KIAA1328: variants seen among roughly 807,000 people sequenced by gnomAD.
The protein encoded by KIAA1328 is protein hinderin.
KIAA1328 carries 52 observed loss-of-function variants against 68.1 expected under a neutral mutation model. The ratio of observed to expected loss-of-function variants is 0.76; its 90% CI spans 0.61 to 0.96. KIAA1328 has a LOEUF of 0.96. Ranked by LOEUF, KIAA1328 falls within the 40% of genes least tolerant of loss-of-function variation. The probability of loss-of-function intolerance (pLI) is 0.00; values close to 1 mark genes in which losing one functional copy is unlikely to be tolerated. For synonymous variants in KIAA1328, 232 were observed against 239.4 expected (o/e 0.97, Z 0.28); for missense variants, 641 against 677.6 (o/e 0.95, Z 0.60).
At chr18:37,103,803 TACACACACACACACACACAC>T (rs60337954) in intron 7 of KIAA1328, among the ~76,000 whole-genome samples, 10 of 145,656 alleles carry the variant, frequency 6.9e-5, no homozygotes, top group Non-Finnish European at 1.4e-4. Flanking sequence ...CAATAGCAAA[TACACACACACACACACACAC>T]ACACACACAC....
chr18:37,155,928 C>G (rs914585300), intron 7 of KIAA1328, among the ~76,000 whole-genome samples: 2 of 152,128 alleles, frequency 1.3e-5, no homozygotes, highest in Non-Finnish European at 2.9e-5. Context: ...TACATTTTTC[C>G]TTATCTTTCA....
At chr18:37,218,941 T>C (rs1263023755) in intron 9 of KIAA1328, among the ~76,000 whole-genome samples, 1 of 152,230 alleles carries the variant, frequency 6.6e-6, no homozygotes, top group Non-Finnish European at 1.5e-5. Flanking sequence ...CTCCCCATCT[T>C]TGTGGTTTTA....
At chr18:36,829,548 T>A in intron 1 of KIAA1328, 1 of 773,976 alleles carries the variant, frequency 1.3e-6, no homozygotes, top group Non-Finnish European at 1.7e-6. Flanking sequence ...GACTTGAGTG[T>A]GCGGAGCTAG....
At chr18:36,830,259 G>C (rs1206751499) in intron 1 of KIAA1328, among the ~76,000 whole-genome samples, 1 of 152,192 alleles carries the variant, frequency 6.6e-6, no homozygotes, top group Non-Finnish European at 1.5e-5. Context: ...TGTGCTGCTC[G>C]TGTTTAGTGT....
chr18:36,938,671 A>C (rs1340044813), intron 5 of KIAA1328, among the ~76,000 whole-genome samples: 1 of 152,118 alleles, frequency 6.6e-6, no homozygotes, highest in African/African-American at 2.4e-5. Flanking sequence ...CCTGACCAAC[A>C]GAGAATTTCC....
intron 3 of KIAA1328, among the ~76,000 whole-genome samples, chr18:36,840,739 C>T (rs897525576): frequency 3.3e-5 from 5 of 152,162 alleles, no homozygotes; most frequent in Non-Finnish European, 2.9e-5. Flanking sequence ...GCATGAGCCA[C>T]TGTGCCCAGC....
chr18:37,154,457 G>A (rs1044822336), intron 7 of KIAA1328, among the ~76,000 whole-genome samples: 9 of 152,156 alleles, frequency 5.9e-5, no homozygotes, highest in African/African-American at 2.2e-4. Context: ...TATATGTCTA[G>A]TTTTACTGCA....
chr18:37,167,003 C>T (rs1307603433), intron 8 of KIAA1328, among the ~76,000 whole-genome samples: 1 of 152,166 alleles, frequency 6.6e-6, no homozygotes, highest in Non-Finnish European at 1.5e-5. Context: ...AAGGAATTAA[C>T]ACAAATTCTT....
intron 6 of KIAA1328, among the ~76,000 whole-genome samples, chr18:36,996,397 G>T (rs978086172): frequency 6.6e-6 from 1 of 152,128 alleles, no homozygotes; most frequent in African/African-American, 2.4e-5. Context: ...AATGAGTAGA[G>T]CCACGATTCT....
intron 5 of KIAA1328, among the ~76,000 whole-genome samples, chr18:36,920,227 T>C (rs2049865194): frequency 6.6e-6 from 1 of 152,204 alleles, no homozygotes; most frequent in Non-Finnish European, 1.5e-5. Context: ...AATTTTTGTA[T>C]ATGGTAGAAG....
chr18:36,893,390 C>T (rs554148815), intron 5 of KIAA1328, among the ~76,000 whole-genome samples: 1 of 151,808 alleles, frequency 6.6e-6, no homozygotes, highest in Admixed American at 6.6e-5. Context: ...ATCTCAGCCA[C>T]CGTAGTCACT....
chr18:37,090,832 G>A (rs549712800), intron 7 of KIAA1328, among the ~76,000 whole-genome samples: 27 of 152,194 alleles, frequency 1.8e-4, no homozygotes, highest in Non-Finnish European at 2.5e-4. Flanking sequence ...TCTTTGACTG[G>A]AGCACTAATT....
chr18:36,861,681 T>C (rs541750856), intron 4 of KIAA1328, among the ~76,000 whole-genome samples: 1 of 152,308 alleles, frequency 6.6e-6, no homozygotes, highest in South Asian at 2.1e-4. Flanking sequence ...TTCTTCTTTT[T>C]TTCTGTTTAG....
chr18:36,985,553 T>C (rs1026599340), intron 6 of KIAA1328, among the ~76,000 whole-genome samples: 1 of 152,062 alleles, frequency 6.6e-6, no homozygotes, highest in African/African-American at 2.4e-5. Flanking sequence ...CAAAGAAATA[T>C]GCCTAACTCA....
intron 7 of KIAA1328, among the ~76,000 whole-genome samples, chr18:37,113,725 A>G (rs1015417716): frequency 6.6e-6 from 1 of 152,236 alleles, no homozygotes; most frequent in Admixed American, 6.5e-5. Context: ...AATTGGATAA[A>G]GATTCAAGAC....
intron 5 of KIAA1328, among the ~76,000 whole-genome samples, chr18:36,906,990 T>G (rs1395662884): frequency 6.6e-6 from 1 of 152,118 alleles, no homozygotes; most frequent in African/African-American, 2.4e-5. Flanking sequence ...AAGAAGTTTC[T>G]TCTGTGAGTG....
intron 5 of KIAA1328, among the ~76,000 whole-genome samples, chr18:36,943,766 C>A (rs2050794821): frequency 6.6e-6 from 1 of 152,092 alleles, no homozygotes; most frequent in East Asian, 1.9e-4. Flanking sequence ...TGTGGTTTCT[C>A]TTTTATTATA....
At chr18:37,032,477 G>A (rs2054868865) in intron 6 of KIAA1328, among the ~76,000 whole-genome samples, 3 of 150,788 alleles carry the variant, frequency 2.0e-5, no homozygotes, top group Admixed American at 2.0e-4. Context: ...ATAGATGTTT[G>A]TTTATGGTCA....
intron 7 of KIAA1328, among the ~76,000 whole-genome samples, chr18:37,086,892 T>G (rs994253290): frequency 6.6e-6 from 1 of 152,224 alleles, no homozygotes; most frequent in Non-Finnish European, 1.5e-5. Context: ...GTTACACCTT[T>G]TTCCATTCAT....
Sources: allele counts gnomAD v4.1 joint callset (sites outside exome capture counted in the v4.1 genomes callset), GRCh38; gene constraint gnomAD v4.1.1; transcripts MANE v1.5; gene names NCBI Gene and HGNC (gene_info 2026-07-23, HGNC 2026-07-21).